Variants in ERC1 observed in about 807,000 individuals in gnomAD.
The protein encoded by ERC1 is RAB6 interacting protein 2.
In ERC1, 56 loss-of-function variants were observed where a neutral mutation model predicts 132.0. The ratio of observed to expected loss-of-function variants is 0.42; its 90% CI spans 0.34 to 0.53. The LOEUF is 0.53. Ranked by LOEUF, ERC1 falls within the 20% of genes least tolerant of loss-of-function variation. The pLI, the probability that ERC1 is intolerant of heterozygous loss-of-function variation, is 0.03. For synonymous variants in ERC1, 478 were observed against 476.1 expected, an observed-to-expected ratio of 1.00 and a Z score of -0.05; for missense variants, 1,202 against 1,349.9, an observed-to-expected ratio of 0.89 and a Z score of 1.72.
chr12:1,389,827 G>C (rs955619561), intron 16 of ERC1, among the ~76,000 whole-genome samples: 11 of 152,056 alleles, frequency 7.2e-5, no homozygotes, highest in Non-Finnish European at 1.5e-5. Context: ...CGGGTATTTT[G>C]CCTATTTTCC....
At position 1,180,571 on chromosome 12, in the gene ERC1, A is replaced by C; in HGVS notation, c.1769A>C (p.Lys590Thr). 1.9e-6 allele frequency: 3 copies of C among 1,614,090 alleles called. No individual in the cohort carries two copies. Among genetic ancestry groups the C allele is most frequent in the Non-Finnish European group, 2.5e-6 (3 of 1,180,014 alleles). ...IENLQEQLRD[K>T]EKQMSSLKER... is the part of the protein sequence containing the mutation. ...AATCTTCAAGAGCAGCTTAGAGACA[A>C]GGAAAAGCAGATGAGCAGCTTGAAA... The change falls in exon 9 of 19, where the codon AAG becomes ACG. Residue 590 changes from lysine to threonine, a missense_variant. By Grantham distance (78) the Lys-to-Thr change is moderately conservative. Transcript: ENST00000360905.
intron 16 of ERC1, among the ~76,000 whole-genome samples, chr12:1,388,388 A>G (rs2089618412): frequency 6.6e-6 from 1 of 151,398 alleles, no homozygotes; most frequent in Non-Finnish European, 1.5e-5. Context: ...TGAATGAGCT[A>G]GAAAAGGAGC....
At position 1,493,548 on chromosome 12, in the gene ERC1, A is replaced by AAAAATATATATAT. The variant is rs56939346; in HGVS notation, c.*3319_*3320insAAATATATATATA. ...ACTCCATTTAAAAAAAAAAAAAAAA[A>AAAAATATATATAT]ATATATATATATATATATATATATA... is the stretch of plus-strand genomic sequence containing the variant. On this transcript the variant is annotated 3_prime_UTR_variant, in exon 19 of 19. Coordinates refer to ENST00000360905, the MANE Select transcript of ERC1 (RefSeq NM_178040.4). The AAAAATATATATAT allele has an allele frequency of 5.9e-4, 8 of 13,622 alleles. No individual in the cohort carries two copies. The highest frequency in any genetic ancestry group is 7.3e-4 in the Non-Finnish European group (5 of 6,822). 0.8% of individuals were successfully genotyped at this position (13,622 alleles called of 1,614,324 possible).
intron 15 of ERC1, among the ~76,000 whole-genome samples, chr12:1,293,986 AAAAG>A (rs2079707222): frequency 6.6e-6 from 1 of 152,230 alleles, no homozygotes; most frequent in East Asian, 1.9e-4. Flanking sequence ...TTACACTTGA[AAAAG>A]AAAACAATAT....
intron 4 of ERC1, among the ~76,000 whole-genome samples, chr12:1,107,923 C>T (rs1261359533): frequency 2.6e-5 from 4 of 152,006 alleles, no homozygotes; most frequent in African/African-American, 9.7e-5. Context: ...TTCAGTAAGT[C>T]CAGTGGGATT....
At position 1,009,368 on chromosome 12, in the gene ERC1, G is replaced by C. The variant is rs533607891; in HGVS notation, c.-157+18046G>C. On this transcript the variant is annotated intron_variant, in intron 1 of 18. Coordinates refer to ENST00000360905, the MANE Select transcript of ERC1 (RefSeq NM_178040.4). ...TTTTTGTATTTTTAGTAGAGACAGG[G>C]TTTCACCGTGTTAGCCAGGATGGTC... Among the ~76,000 whole-genome samples the C allele has an allele frequency of 3.3e-5, 5 of 152,170 alleles. No individual in the cohort carries two copies. The South Asian group carries it at 1.0e-3, about 32-fold the overall frequency.
chr12:1,290,795 T>C (rs1018310685), intron 15 of ERC1, among the ~76,000 whole-genome samples: 5 of 152,206 alleles, frequency 3.3e-5, no homozygotes, highest in African/African-American at 1.2e-4. Flanking sequence ...TGAGCAGTTA[T>C]CTTTATTTTT....
At chr12:1,022,527 C>T (rs1246620689) in intron 1 of ERC1, among the ~76,000 whole-genome samples, 1 of 152,118 alleles carries the variant, frequency 6.6e-6, no homozygotes, top group African/African-American at 2.4e-5. Context: ...GGACTGTTAC[C>T]GTTTGGCTGT....
intron 8 of ERC1, among the ~76,000 whole-genome samples, chr12:1,145,524 G>A (rs1204987788): frequency 1.3e-5 from 2 of 152,116 alleles, no homozygotes; most frequent in Admixed American, 6.6e-5. Context: ...AATTCTGTAG[G>A]TTGTCTGTTT....
rs1311160626 is a variant in ERC1, at chr12:1,490,789, C to G, written c.*559C>G. On this transcript the variant is annotated 3_prime_UTR_variant, in exon 19 of 19. Coordinates refer to ENST00000360905, the MANE Select transcript of ERC1 (RefSeq NM_178040.4). ...TACTGTCTCTTCTGCTTACTTTCCA[C>G]ATGAGATGCTTTGTACCGGGGAGCT... is the stretch of plus-strand genomic sequence containing the variant. 8.6e-6 allele frequency: 2 copies of G among 233,760 alleles called. No individual in the cohort carries two copies. Among genetic ancestry groups the G allele is most frequent in the Non-Finnish European group, 8.4e-6 (1 of 118,492 alleles). The allele number at this position is 233,760 out of a possible 1,614,324, so 14.5% of individuals were successfully genotyped here.
chr12:1,076,680 A>AT lies in ERC1; in HGVS notation c.670-6477dup, dbSNP rs376798031. 6.3e-3 allele frequency among the ~76,000 whole-genome samples: 965 copies of AT among 152,238 alleles called. 11 individuals carry two copies. Among genetic ancestry groups the AT allele is most frequent in the African/African-American group, 0.022 (909 of 41,546 alleles). ...AGTGCTGGGATTATAGGCATGAGTG[A>AT]TTTTTTTAGAATAAGAGTAATTGGC... is the stretch of plus-strand genomic sequence containing the variant. On this transcript the variant is annotated intron_variant, in intron 2 of 18. Transcript: ENST00000360905.
At chr12:1,373,797 GAAA>G (rs755350347) in intron 16 of ERC1, among the ~76,000 whole-genome samples, 19,111 of 86,848 alleles carry the variant, frequency 0.22, 3,038 homozygotes, top group African/African-American at 0.5. Flanking sequence ...AAGAAGAAAA[GAAA>G]GAAAAGAAAA....
chr12:1,144,289 G>A (rs568445199), intron 8 of ERC1, among the ~76,000 whole-genome samples: 41 of 152,196 alleles, frequency 2.7e-4, no homozygotes, highest in African/African-American at 8.7e-4. Context: ...TGGAGAACAG[G>A]TGGTGTTTGG....
chr12:1,297,306 T>C (rs2154343240), intron 15 of ERC1, among the ~76,000 whole-genome samples: 1 of 151,938 alleles, frequency 6.6e-6, no homozygotes, highest in Admixed American at 6.5e-5. Context: ...TGAAAAGAAT[T>C]CATCTCTAGA....
chr12:1,467,773 C>G (rs1372259111), intron 18 of ERC1, among the ~76,000 whole-genome samples: 2 of 152,178 alleles, frequency 1.3e-5, no homozygotes, highest in Non-Finnish European at 2.9e-5. Flanking sequence ...ACTAGACTGT[C>G]CCATTTGGGA....
chr12:1,251,044 G>T (rs1442282755), intron 13 of ERC1, among the ~76,000 whole-genome samples: 1 of 152,132 alleles, frequency 6.6e-6, no homozygotes, highest in African/African-American at 2.4e-5. Context: ...TATAGTCAAT[G>T]AAACATTTGT....
At chr12:1,319,413 T>C (rs1261544416) in intron 15 of ERC1, among the ~76,000 whole-genome samples, 2 of 152,222 alleles carry the variant, frequency 1.3e-5, no homozygotes, top group South Asian at 2.1e-4. Flanking sequence ...GTGCCTGTTA[T>C]CACATGATTC....
intron 15 of ERC1, among the ~76,000 whole-genome samples, chr12:1,330,916 A>G (rs2082815575): frequency 6.6e-6 from 1 of 152,056 alleles, no homozygotes; most frequent in African/African-American, 2.4e-5. Flanking sequence ...CTGTCTTTCA[A>G]TTCACTGATT....
intron 14 of ERC1, among the ~76,000 whole-genome samples, chr12:1,288,816 G>A (rs1024281885): frequency 2.0e-5 from 3 of 152,154 alleles, no homozygotes; most frequent in Admixed American, 1.3e-4. Flanking sequence ...TGTAATTGAT[G>A]CAGTTGGCTG....
Sources: gnomAD v4.1 joint callset for allele counts (sites outside exome capture counted in the v4.1 genomes callset) on GRCh38, gnomAD v4.1.1 for gene constraint, MANE v1.5 for transcripts, NCBI Gene and HGNC (gene_info 2026-07-23, HGNC 2026-07-21) for gene names.